ECT2L: variants seen among roughly 807,000 people sequenced by gnomAD.
ECT2L encodes epithelial cell transforming 2 like, also known as epithelial cell-transforming sequence 2 oncogene-like.
Under a neutral mutation model 122.8 loss-of-function variants are expected in ECT2L, and 126 were observed. The observed-to-expected ratio is 1.03, with a 90% CI of 0.89 to 1.19. The LOEUF (loss-of-function observed/expected upper bound fraction) is 1.19. ECT2L is among the 50% of genes most tolerant of loss of function. The probability of loss-of-function intolerance (pLI) is 0.00; values close to 1 mark genes in which losing one functional copy is unlikely to be tolerated. For missense variants in ECT2L, 1,012 were observed against 1,064.1 expected (o/e 0.95, Z 0.68); for synonymous variants, 385 against 381.8 (o/e 1.01, Z -0.10).
chr6:138,901,204 G>T, intron 21 of ECT2L, 84 bp downstream of exon 21: 1 of 1,364,690 alleles, frequency 7.3e-7, no homozygotes, highest in Non-Finnish European at 1.0e-6. Flanking sequence ...GTAGAAAAAG[G>T]ACTGGAATTA....
At chr6:138,863,828 A>C (rs1488665039) in intron 11 of ECT2L, among the ~76,000 whole-genome samples, 5 of 149,930 alleles carry the variant, frequency 3.3e-5, no homozygotes, top group Non-Finnish European at 7.4e-5. Flanking sequence ...GTTGGCCTGG[A>C]TGGTCTTGAT....
At chr6:138,871,352 T>C (rs1034526444) in intron 13 of ECT2L, among the ~76,000 whole-genome samples, 10 of 152,170 alleles carry the variant, frequency 6.6e-5, no homozygotes, top group Non-Finnish European at 1.3e-4. Flanking sequence ...GGCAAATCAT[T>C]TGTTGCCCTA....
chr6:138,861,715 A>C (rs1372501524), intron 10 of ECT2L, among the ~76,000 whole-genome samples: 2 of 152,080 alleles, frequency 1.3e-5, no homozygotes, highest in Non-Finnish European at 2.9e-5. Flanking sequence ...TGCTGTGCAG[A>C]AGCTTTTTAG....
chr6:138,805,835 T>C (rs6939456), intron 1 of ECT2L, among the ~76,000 whole-genome samples: 7,087 of 152,202 alleles, frequency 0.047, 527 homozygotes, highest in African/African-American at 0.16. Flanking sequence ...CACAACATCA[T>C]TGGTTAAAAC....
chr6:138,856,435 G>A (rs900647796), intron 10 of ECT2L, among the ~76,000 whole-genome samples: 16 of 152,078 alleles, frequency 1.1e-4, no homozygotes, highest in African/African-American at 3.9e-4. Context: ...GGCTGGTCTA[G>A]AACTTCTGAC....
chr6:138,892,101 G>C (rs1779050837), intron 20 of ECT2L, among the ~76,000 whole-genome samples: 1 of 151,988 alleles, frequency 6.6e-6, no homozygotes, highest in Non-Finnish European at 1.5e-5. Flanking sequence ...CTATTACTTG[G>C]ATATTCTGTT....
At chr6:138,810,211 G>C (rs1038927987) in intron 1 of ECT2L, among the ~76,000 whole-genome samples, 1 of 152,172 alleles carries the variant, frequency 6.6e-6, no homozygotes, top group Non-Finnish European at 1.5e-5. Context: ...TCAGGGATTT[G>C]CACAGTTGGA....
intron 13 of ECT2L, among the ~76,000 whole-genome samples, chr6:138,874,375 C>T (rs540029848): frequency 2.0e-5 from 3 of 152,142 alleles, no homozygotes; most frequent in South Asian, 2.1e-4. Context: ...AAGATAGCAT[C>T]GGAATCTAAA....
intron 4 of ECT2L, among the ~76,000 whole-genome samples, chr6:138,834,226 A>C (rs1193757075): frequency 1.3e-5 from 2 of 152,180 alleles, no homozygotes; most frequent in African/African-American, 4.8e-5. Context: ...GTCTCCTTAC[A>C]TGTTGTTATT....
chr6:138,868,349 C>A (rs1394967866), intron 13 of ECT2L, 143 bp downstream of exon 13: 3 of 623,496 alleles, frequency 4.8e-6, no homozygotes, highest in South Asian at 2.5e-5. Flanking sequence ...ATAAAAATAG[C>A]CACTAAGAGA....
In ECT2L at chr6:138,882,748, C is replaced by A. The variant is rs763792288; in HGVS notation, c.1905C>A (p.Asp635Glu). ...GGCAGTTTCTAGATAACCTGAGAGA[C>A]AGACTGCAGGAATGGGGCCCAGCTC... is the stretch of plus-strand genomic sequence containing the variant. ...LNRQFLDNLR[D>E]RLQEWGPAHC... The change falls in exon 16 of 22, where the codon GAC becomes GAA. Residue 635 changes from aspartate to glutamate, a missense_variant. By Grantham distance (45) the Asp-to-Glu change is conservative. Transcript: ENST00000541398. The A allele has an allele frequency of 6.2e-7, 1 of 1,614,140 alleles. No individual in the cohort carries two copies. Among genetic ancestry groups the A allele is most frequent in the East Asian group, 2.2e-5 (1 of 44,882 alleles).
At chr6:138,797,641 G>A (rs1204124249) in intron 1 of ECT2L, among the ~76,000 whole-genome samples, 7 of 145,084 alleles carry the variant, frequency 4.8e-5, no homozygotes, top group Non-Finnish European at 6.3e-5. Context: ...GTTGTTCTGA[G>A]AGGAAAAAAA....
chr6:138,881,414 G>A (rs1778642531), intron 15 of ECT2L, among the ~76,000 whole-genome samples: 1 of 151,932 alleles, frequency 6.6e-6, no homozygotes, highest in South Asian at 2.1e-4. Flanking sequence ...TAGGCATTTT[G>A]TAACCCAGTG....
intron 4 of ECT2L, among the ~76,000 whole-genome samples, chr6:138,819,882 A>C (rs1411351213): frequency 2.0e-5 from 3 of 151,564 alleles, no homozygotes; most frequent in African/African-American, 7.3e-5. Context: ...GCAAGACTTC[A>C]TGTACCAAAA....
At chr6:138,850,223 C>G (rs1777387072) in intron 9 of ECT2L, among the ~76,000 whole-genome samples, 1 of 152,076 alleles carries the variant, frequency 6.6e-6, no homozygotes, top group South Asian at 2.1e-4. Flanking sequence ...TCACTGCAAC[C>G]TCTCTCTGCC....
chr6:138,866,331 A>AT (rs944341179), intron 12 of ECT2L, among the ~76,000 whole-genome samples: 11 of 151,716 alleles, frequency 7.3e-5, no homozygotes, highest in Non-Finnish European at 1.0e-4. Flanking sequence ...TTTTATTTTT[A>AT]TTTTTTAGAT....
At chr6:138,863,390 A>G (rs1777907858) in intron 11 of ECT2L, among the ~76,000 whole-genome samples, 2 of 152,218 alleles carry the variant, frequency 1.3e-5, no homozygotes, top group Admixed American at 1.3e-4. Flanking sequence ...GAACTTGGGA[A>G]AGCTGGCACA....
chr6:138,892,949 C>T (rs1779081485), intron 20 of ECT2L, among the ~76,000 whole-genome samples: 1 of 152,146 alleles, frequency 6.6e-6, no homozygotes, highest in South Asian at 2.1e-4. Context: ...CAGTTTTCTC[C>T]AGTGTCCTTT....
Position 138,902,628 on chromosome 6 carries a change from G to A in ECT2L, c.*1G>A. 2 of 1,613,308 alleles carry A rather than the reference G, an allele frequency of 1.2e-6. No homozygotes were observed. Among genetic ancestry groups the A allele is most frequent in the Non-Finnish European group, 1.7e-6 (2 of 1,179,684 alleles). ...AATCAAAAGCAGTATGGAGAAGTGAGACCGAACTTGAAAACTTCAGGGGTG... is the reference window on the plus strand; with the variant it reads ...AATCAAAAGCAGTATGGAGAAGTGAAACCGAACTTGAAAACTTCAGGGGTG... On this transcript the variant is annotated 3_prime_UTR_variant, in exon 22 of 22. Coordinates refer to ENST00000541398, the MANE Select transcript of ECT2L (RefSeq NM_001077706.3).
Sources: gnomAD v4.1 joint callset for allele counts (sites outside exome capture counted in the v4.1 genomes callset) on GRCh38, gnomAD v4.1.1 for gene constraint, MANE v1.5 for transcripts, NCBI Gene and HGNC (gene_info 2026-07-23, HGNC 2026-07-21) for gene names.